Variants in GRAMD1A observed in about 807,000 individuals in gnomAD.
GRAMD1A encodes GRAM domain containing 1A.
In GRAMD1A, 50 loss-of-function variants were observed where a neutral mutation model predicts 92.0. The observed-to-expected ratio is 0.54, with a 90% CI of 0.43 to 0.69. GRAMD1A has a LOEUF of 0.69. GRAMD1A is among the 30% of genes least tolerant of loss of function. The pLI is 0.00. For synonymous variants in GRAMD1A, 405 were observed against 403.6 expected (o/e 1.00, Z -0.04); for missense variants, 819 against 978.9 (o/e 0.84, Z 2.18).
upstream of GRAMD1A, chr19:35,000,263 G>A: frequency 1.1e-5 from 11 of 1,027,676 alleles, no homozygotes; most frequent in South Asian, 4.6e-5. The surrounding 1 kb of genome is among the most constrained non-coding windows in gnomAD (Gnocchi z 4.9). Context: ...CCGTGACGCG[G>A]CGGGGCGGGG....
At chr19:35,025,614 C>T (rs539736030) in intron 19 of GRAMD1A, among the ~76,000 whole-genome samples, 6 of 152,256 alleles carry the variant, frequency 3.9e-5, no homozygotes, top group African/African-American at 1.2e-4. Flanking sequence ...GGAGCTTGCC[C>T]GAGGTCACAG....
At chr19:35,010,414 C>A (rs1413371175) in intron 6 of GRAMD1A, 35 bp downstream of exon 6, 1 of 1,407,002 alleles carries the variant, frequency 7.1e-7, no homozygotes, top group East Asian at 2.3e-5. Context: ...CCACGCGGTC[C>A]CCCGCTCAGC....
intron 6 of GRAMD1A, 161 bp downstream of exon 6, chr19:35,010,540 C>CCCGCA (rs1190662162): frequency 1.6e-6 from 1 of 613,330 alleles, no homozygotes. Context: ...TGACCTGATC[C>CCCGCA]CCGCACCAGC....
At chr19:35,019,066 G>T in intron 11 of GRAMD1A, 125 bp from the exon 12 acceptor site, 4 of 690,100 alleles carry the variant, frequency 5.8e-6, no homozygotes, top group South Asian at 3.5e-5. Context: ...GGAAGGTGGG[G>T]ACACAGAGGA....
rs541344529 is a variant in GRAMD1A, at chr19:35,010,643, C to T, written c.525+264C>T. ...TCTTCCATGTATGTGGCACCTCAGCCGCCCCTCCCTTCGTAAGTCTCCCCG... is the reference window on the plus strand; with the variant it reads ...TCTTCCATGTATGTGGCACCTCAGCTGCCCCTCCCTTCGTAAGTCTCCCCG... On this transcript the variant is annotated intron_variant, in intron 6 of 19. Transcript: ENST00000317991. 5.6e-4 allele frequency: 328 copies of T among 588,502 alleles called. 1 individual carries two copies. Among genetic ancestry groups the T allele is most frequent in the East Asian group, 1.8e-3 (63 of 35,770 alleles). 36.5% of individuals were successfully genotyped at this position (588,502 alleles called of 1,614,324 possible).
intron 16 of GRAMD1A, among the ~76,000 whole-genome samples, 186 bp downstream of exon 16, chr19:35,022,224 A>G (rs1036249660): frequency 2.6e-5 from 4 of 152,152 alleles, no homozygotes; most frequent in African/African-American, 9.7e-5. Context: ...CTTCCCTGCT[A>G]GAACAGCAGA....
chr19:35,002,953 A>T (rs1052509165), intron 1 of GRAMD1A: 1 of 152,004 alleles, frequency 6.6e-6, no homozygotes, highest in Non-Finnish European at 1.5e-5. Context: ...GGGTTGCTGT[A>T]TGTTTCTGTG....
rs2015427956 is a variant in GRAMD1A, at chr19:35,013,827, C to T, written c.870+136C>T. ...GACAGGGGAGGCCTGGATGGAGGAA[C>T]AGGACAGGGAGGGGAAGACGGACAT... is the stretch of plus-strand genomic sequence containing the variant. On this transcript the variant is annotated intron_variant, in intron 9 of 19. Transcript: ENST00000317991. The surrounding 1 kb of genome is among the most constrained non-coding windows in gnomAD (Gnocchi z 4.9). 9 of 847,050 alleles carry T rather than the reference C, an allele frequency of 1.1e-5. No individual in the cohort carries two copies. Among genetic ancestry groups the T allele is most frequent in the Non-Finnish European group, 9.2e-6 (5 of 542,520 alleles). The allele number at this position is 847,050 out of a possible 1,614,324, so 52.5% of individuals were successfully genotyped here. A position where few individuals can be genotyped will look rare whatever the true frequency, so the allele number is the denominator to read the frequency against.
chr19:35,013,772 C>T lies in GRAMD1A; in HGVS notation c.870+81C>T, dbSNP rs1419035698. The T allele has an allele frequency of 1.4e-6, 2 of 1,404,084 alleles. No homozygotes were observed. The highest frequency in any genetic ancestry group is 2.3e-5 in the East Asian group (1 of 43,332). The allele number at this position is 1,404,084 out of a possible 1,614,324, so 87.0% of individuals were successfully genotyped here. ...GGGGGTGCAGTGGGAGAAGAACAGC[C>T]TGACAGATTTGGAGGGGAATGGATA... On this transcript the variant is annotated intron_variant, in intron 9 of 19. Transcript: ENST00000317991. This position sits in a 1 kb window ranked among gnomAD's most constrained non-coding sequence, Gnocchi z 4.9.
intron 1 of GRAMD1A, among the ~76,000 whole-genome samples, chr19:35,003,061 GGTGTGT>G (rs58809497): frequency 1.6e-4 from 23 of 142,326 alleles, no homozygotes; most frequent in South Asian, 2.3e-4. Context: ...CAATGCTGCA[GGTGTGT>G]GTGTGTGTGT....
Position 35,009,340 on chromosome 19 carries a change from G to T in GRAMD1A, c.219+11G>T, listed in dbSNP as rs200149712. On this transcript the variant is annotated intron_variant, in intron 2 of 19. Coordinates refer to ENST00000317991, the MANE Select transcript of GRAMD1A (RefSeq NM_020895.5). The stretch of plus-strand genomic sequence containing the variant: ...ATCCGCAACAGCAAGGTTGGTGCAA[G>T]CCCAGGTGGGGTGGGGAGAGGGCTA... The T allele has an allele frequency of 1.1e-5, 18 of 1,613,842 alleles. No homozygotes were observed. Among genetic ancestry groups the T allele is most frequent in the Non-Finnish European group, 1.4e-5 (17 of 1,179,882 alleles).
chr19:35,023,657 C>T (rs906974934), intron 19 of GRAMD1A, 110 bp downstream of exon 19: 71 of 1,085,836 alleles, frequency 6.5e-5, no homozygotes, highest in Non-Finnish European at 8.5e-5. Flanking sequence ...GTGTCCTCCT[C>T]TGTAAAATGA....
At chr19:35,023,113 T>C (rs1295482191) in intron 17 of GRAMD1A, 123 bp from the exon 18 acceptor site, 9 of 836,124 alleles carry the variant, frequency 1.1e-5, no homozygotes, top group Non-Finnish European at 1.8e-5. Flanking sequence ...TCTCTCATCC[T>C]CTCTGAGCCT....
intron 19 of GRAMD1A, 56 bp downstream of exon 19, chr19:35,023,603 T>C: frequency 6.7e-7 from 1 of 1,486,122 alleles, no homozygotes; most frequent in Non-Finnish European, 9.0e-7. Context: ...GGTCCTGTGT[T>C]GAAACCCCAC....
At chr19:34,996,609 C>T (rs377090575), upstream of GRAMD1A, among the ~76,000 whole-genome samples, 8 of 152,132 alleles carry the variant, frequency 5.3e-5, no homozygotes, top group East Asian at 1.5e-3. Flanking sequence ...CAGTTCAAGA[C>T]CAGCCTGGCC....
Position 35,013,861 on chromosome 19 carries a change from G to A in GRAMD1A, c.870+170G>A, listed in dbSNP as rs2015431089. On this transcript the variant is annotated intron_variant, in intron 9 of 19. Transcript: ENST00000317991. The surrounding 1 kb of genome is among the most constrained non-coding windows in gnomAD (Gnocchi z 4.9). ...GAGGGGAAGACGGACATGTGACAGGGAAAGAGAGACAGGGAAGAGAGGGGA... is the reference window on the plus strand; with the variant it reads ...GAGGGGAAGACGGACATGTGACAGGAAAAGAGAGACAGGGAAGAGAGGGGA... Among the ~76,000 whole-genome samples, 1 of 152,134 alleles carries A rather than the reference G, an allele frequency of 6.6e-6. No individual in the cohort carries two copies.
chr19:34,999,465 C>G (rs1455726279), upstream of GRAMD1A: 1 of 151,894 alleles, frequency 6.6e-6, no homozygotes, highest in Non-Finnish European at 1.5e-5. Flanking sequence ...TGTGGTTGGG[C>G]CAGGAGTCCA....
intron 1 of GRAMD1A, among the ~76,000 whole-genome samples, chr19:35,003,007 G>A (rs1420956819): frequency 6.6e-6 from 1 of 151,878 alleles, no homozygotes; most frequent in African/African-American, 2.4e-5. Context: ...GCATGTGTCT[G>A]GATAACTTTT....
rs56905471 is a variant in GRAMD1A, at chr19:35,011,101, C to CA, written c.526-354dup. On this transcript the variant is annotated intron_variant, in intron 6 of 19. Coordinates refer to ENST00000317991, the MANE Select transcript of GRAMD1A (RefSeq NM_020895.5). ...TGGGTGACAAAGCCAGACCCTGTCTCAAAAAAAAAAAAAAAAAAAGGATCA... is the reference window on the plus strand; with the variant it reads ...TGGGTGACAAAGCCAGACCCTGTCTCAAAAAAAAAAAAAAAAAAAAGGATCA... Among the ~76,000 whole-genome samples, 274 of 71,272 alleles carry CA rather than the reference C, an allele frequency of 3.8e-3. 1 individual carries two copies. Among genetic ancestry groups the CA allele is most frequent in the East Asian group, 9.1e-3 (19 of 2,088 alleles). 46.8% of individuals were successfully genotyped at this position (71,272 alleles called of 152,430 possible). A position where few individuals can be genotyped will look rare whatever the true frequency, so the allele number is the denominator to read the frequency against.
Sources: allele counts gnomAD v4.1 joint callset (sites outside exome capture counted in the v4.1 genomes callset), GRCh38; gene constraint gnomAD v4.1.1; non-coding constraint Gnocchi (gnomAD v3.1); transcripts MANE v1.5; gene names NCBI Gene and HGNC (gene_info 2026-07-23, HGNC 2026-07-21).